Variants in PTPRD observed in about 807,000 individuals in gnomAD.
PTPRD encodes receptor-type tyrosine-protein phosphatase delta.
Under a neutral mutation model 214.5 loss-of-function variants are expected in PTPRD, and 34 were observed. The observed-to-expected ratio is 0.16, with a 90% CI of 0.12 to 0.21. The LOEUF (loss-of-function observed/expected upper bound fraction) is 0.21. Among genes scored for constraint, PTPRD ranks in the 10% least tolerant of loss-of-function variants. The probability of loss-of-function intolerance (pLI) is 1.00; values close to 1 mark genes in which losing one functional copy is unlikely to be tolerated. For synonymous variants in PTPRD, 1,128 were observed against 845.7 expected, an observed-to-expected ratio of 1.33 and a Z score of -5.79; for missense variants, 2,545 against 2,398.7, an observed-to-expected ratio of 1.06 and a Z score of -1.27.
chr9:9,467,213 C>CGTTTTTT (rs1295163512), intron 8 of PTPRD, among the ~76,000 whole-genome samples: 1 of 92,902 alleles, frequency 1.1e-5, no homozygotes, highest in Non-Finnish European at 2.1e-5. Context: ...GTTCATTTAT[C>CGTTTTTT]TTTTTTTTTT....
chr9:9,455,876 A>T (rs1222095101), intron 8 of PTPRD, among the ~76,000 whole-genome samples: 1 of 151,802 alleles, frequency 6.6e-6, no homozygotes, highest in African/African-American at 2.4e-5. Flanking sequence ...GAGGGACCAC[A>T]TGAAGGCAGT....
At chr9:9,209,961 G>A (rs2099947459) in intron 9 of PTPRD, among the ~76,000 whole-genome samples, 1 of 152,114 alleles carries the variant, frequency 6.6e-6, no homozygotes, top group South Asian at 2.1e-4. Flanking sequence ...ATCCCATGGG[G>A]TGATGCAGAA....
At chr9:8,903,777 T>C (rs2154253809) in intron 11 of PTPRD, among the ~76,000 whole-genome samples, 1 of 148,942 alleles carries the variant, frequency 6.7e-6, no homozygotes, top group Admixed American at 6.6e-5. Context: ...ATTTGATTAC[T>C]ATTTAAAAGA....
chr9:10,234,183 G>A (rs1447382577), intron 3 of PTPRD, among the ~76,000 whole-genome samples: 1 of 151,148 alleles, frequency 6.6e-6, no homozygotes, highest in African/African-American at 2.4e-5. Context: ...GAACCCGGGA[G>A]GCAGAGAGCT....
chr9:9,403,290 C>CAAAAAAAAAAAAAAAAAAAAAAA (rs56105335), intron 8 of PTPRD, among the ~76,000 whole-genome samples: 14 of 60,658 alleles, frequency 2.3e-4, no homozygotes, highest in African/African-American at 5.9e-4. Context: ...TACTCTGTCT[C>CAAAAAAAAAAAAAAAAAAAAAAA]AAAAAAAAAA....
Position 9,904,729 on chromosome 9 carries a change from A to C in PTPRD, c.-368+33778T>G, listed in dbSNP as rs79194430. On this transcript the variant is annotated intron_variant, in intron 5 of 45. Coordinates refer to ENST00000381196, the MANE Select transcript of PTPRD (RefSeq NM_002839.4). ...TTAAAAAGACAGAGAATAAAGCTTA[A>C]ACATCTTTTTAATTTGAGAAAATGT... 9.3e-3 allele frequency among the ~76,000 whole-genome samples: 1,411 copies of C among 152,222 alleles called. 24 individuals carry two copies. Among genetic ancestry groups the C allele is most frequent in the African/African-American group, 0.032 (1,346 of 41,566 alleles).
chr9:9,543,940 T>G (rs1216370181), intron 8 of PTPRD, among the ~76,000 whole-genome samples: 6 of 151,690 alleles, frequency 4.0e-5, no homozygotes, highest in African/African-American at 1.4e-4. Context: ...AATTTTGCTT[T>G]GAGTCCAAAT....
At chr9:8,955,359 G>T (rs537463993) in intron 11 of PTPRD, among the ~76,000 whole-genome samples, 19 of 151,866 alleles carry the variant, frequency 1.3e-4, no homozygotes, top group African/African-American at 4.6e-4. Context: ...GATAGAGATA[G>T]TCCTACTCAG....
intron 44 of PTPRD, among the ~76,000 whole-genome samples, chr9:8,331,165 C>CTTAATATTGTCATTAGGAT (rs1840343326): frequency 6.6e-6 from 1 of 151,844 alleles, no homozygotes; most frequent in Non-Finnish European, 1.5e-5. Flanking sequence ...ACTGGCAGAA[C>CTTAATATTGTCATTAGGAT]TTAATATTGT....
chr9:10,190,116 C>G (rs770905872), intron 3 of PTPRD, among the ~76,000 whole-genome samples: 6 of 151,866 alleles, frequency 4.0e-5, no homozygotes, highest in Non-Finnish European at 8.8e-5. Flanking sequence ...CCCGTAATCC[C>G]AGCATTTTGG....
At chr9:8,575,261 T>C (rs1028464876) in intron 14 of PTPRD, among the ~76,000 whole-genome samples, 1 of 152,152 alleles carries the variant, frequency 6.6e-6, no homozygotes, top group Admixed American at 6.6e-5. Context: ...AAGGCGATTA[T>C]ATATTTATAT....
chr9:9,865,567 T>C (rs1241733950), intron 5 of PTPRD, among the ~76,000 whole-genome samples: 1 of 152,168 alleles, frequency 6.6e-6, no homozygotes, highest in African/African-American at 2.4e-5. Context: ...CCTCCATAAC[T>C]GTAAGAAATT....
chr9:9,828,902 T>C (rs1381654060), intron 5 of PTPRD, among the ~76,000 whole-genome samples: 2 of 151,930 alleles, frequency 1.3e-5, no homozygotes, highest in Non-Finnish European at 2.9e-5. Context: ...TTATATATGC[T>C]GTTTCAATTG....
chr9:8,775,894 T>C (rs74986775), intron 11 of PTPRD, among the ~76,000 whole-genome samples: 6,853 of 151,852 alleles, frequency 0.045, 422 homozygotes, highest in African/African-American at 0.14. Flanking sequence ...GTAACAATGA[T>C]ATAAACTACT....
intron 9 of PTPRD, among the ~76,000 whole-genome samples, chr9:9,382,210 A>G (rs750031387): frequency 4.6e-5 from 7 of 152,038 alleles, no homozygotes; most frequent in African/African-American, 7.2e-5. Flanking sequence ...AAACACAAGT[A>G]ATTTTTATAT....
At chr9:9,456,344 A>C (rs894393630) in intron 8 of PTPRD, among the ~76,000 whole-genome samples, 4 of 151,852 alleles carry the variant, frequency 2.6e-5, no homozygotes. Context: ...AGGAATAAAA[A>C]AATATAGATC....
At chr9:10,440,265 C>T (rs955736353) in intron 2 of PTPRD, among the ~76,000 whole-genome samples, 2 of 151,640 alleles carry the variant, frequency 1.3e-5, no homozygotes, top group East Asian at 1.9e-4. Context: ...GTTAAAACAA[C>T]ATTTTCTAAG....
intron 22 of PTPRD, 47 bp from the exon 23 acceptor site, chr9:8,504,452 A>C (rs1408063560): frequency 6.3e-7 from 1 of 1,598,574 alleles, no homozygotes; most frequent in East Asian, 2.2e-5. Flanking sequence ...GGTTCATGCA[A>C]ATACTTTTTA....
chr9:10,243,050 T>A (rs2091420961), intron 3 of PTPRD, among the ~76,000 whole-genome samples: 3 of 152,054 alleles, frequency 2.0e-5, no homozygotes, highest in African/African-American at 7.2e-5. Flanking sequence ...AACTATAACT[T>A]TGATTTACAC....
Sources: allele counts gnomAD v4.1 joint callset (sites outside exome capture counted in the v4.1 genomes callset), GRCh38; gene constraint gnomAD v4.1.1; transcripts MANE v1.5; gene names NCBI Gene and HGNC (gene_info 2026-07-23, HGNC 2026-07-21).